The following EPHA6 variants were observed in gnomAD, a reference collection of about 807,000 sequenced individuals.
EPHA6 encodes the protein ephrin type-A receptor 6.
Under a neutral mutation model 112.0 loss-of-function variants are expected in EPHA6, and 50 were observed. That is an observed-to-expected ratio of 0.45 (90% CI 0.36 to 0.56). The LOEUF is 0.56. EPHA6 is among the 20% of genes least tolerant of loss of function. The pLI, the probability that EPHA6 is intolerant of heterozygous loss-of-function variation, is 0.00. For synonymous variants in EPHA6, 529 were observed against 490.7 expected, an observed-to-expected ratio of 1.08 and a Z score of -1.03; for missense variants, 1,280 against 1,417.4, an observed-to-expected ratio of 0.90 and a Z score of 1.56.
At chr3:96,839,543 G>A (rs1297171526) in intron 1 of EPHA6, among the ~76,000 whole-genome samples, 1 of 151,898 alleles carries the variant, frequency 6.6e-6, no homozygotes, top group African/African-American at 2.4e-5. Context: ...ACTTTAGTTG[G>A]GAACTATTAT....
intron 3 of EPHA6, among the ~76,000 whole-genome samples, chr3:97,054,984 G>T (rs939682744): frequency 6.6e-6 from 1 of 152,010 alleles, no homozygotes; most frequent in Non-Finnish European, 1.5e-5. Flanking sequence ...TAATGAAGAT[G>T]ATTCTGCTTA....
At chr3:97,724,383 G>A (rs1422200864) in intron 15 of EPHA6, among the ~76,000 whole-genome samples, 2 of 152,086 alleles carry the variant, frequency 1.3e-5, no homozygotes, top group African/African-American at 2.4e-5. Context: ...AAATATAATA[G>A]CAGGTACCAT....
intron 3 of EPHA6, among the ~76,000 whole-genome samples, chr3:97,065,747 T>C (rs2046157082): frequency 6.6e-6 from 1 of 152,092 alleles, no homozygotes; most frequent in Admixed American, 6.6e-5. Context: ...TGAGCCAACA[T>C]GTTATAATTT....
At chr3:97,161,463 A>G (rs1420007088) in intron 3 of EPHA6, among the ~76,000 whole-genome samples, 1 of 152,190 alleles carries the variant, frequency 6.6e-6, no homozygotes, top group Non-Finnish European at 1.5e-5. Flanking sequence ...CAGCTTGCAC[A>G]GCAATCTGGA....
At chr3:97,571,656 T>G (rs188882028) in intron 11 of EPHA6, among the ~76,000 whole-genome samples, 231 of 139,346 alleles carry the variant, frequency 1.7e-3, no homozygotes, top group African/African-American at 7.2e-3. Flanking sequence ...AAATCTTCCT[T>G]GAAACTCATA....
intron 3 of EPHA6, among the ~76,000 whole-genome samples, chr3:97,153,792 CA>C (rs1265648744): frequency 6.6e-6 from 1 of 152,024 alleles, no homozygotes; most frequent in Non-Finnish European, 1.5e-5. Context: ...TGCATGTGAT[CA>C]AAATTAAACT....
chr3:96,980,021 G>A (rs1016670947), intron 2 of EPHA6, among the ~76,000 whole-genome samples: 4 of 152,006 alleles, frequency 2.6e-5, no homozygotes, highest in Non-Finnish European at 4.4e-5. Flanking sequence ...CTCTGATGGT[G>A]GTTTCTTTTG....
intron 3 of EPHA6, among the ~76,000 whole-genome samples, chr3:97,032,061 T>G (rs564244729): frequency 1.3e-5 from 2 of 152,198 alleles, no homozygotes; most frequent in Admixed American, 1.3e-4. Flanking sequence ...TGTCCAACAA[T>G]GATAGACTGG....
At chr3:97,068,053 G>A (rs2046232184) in intron 3 of EPHA6, among the ~76,000 whole-genome samples, 1 of 151,474 alleles carries the variant, frequency 6.6e-6, no homozygotes, top group Admixed American at 6.6e-5. Context: ...TTACTCAGGT[G>A]GCTGAGGCAG....
intron 3 of EPHA6, among the ~76,000 whole-genome samples, chr3:97,154,867 G>A (rs927567867): frequency 2.0e-5 from 3 of 152,070 alleles, no homozygotes; most frequent in African/African-American, 7.2e-5. Context: ...ATCTCAATTA[G>A]TTTAATTGAC....
chr3:97,137,791 A>G (rs2075801119), intron 3 of EPHA6, among the ~76,000 whole-genome samples: 1 of 152,166 alleles, frequency 6.6e-6, no homozygotes, highest in African/African-American at 2.4e-5. Flanking sequence ...ACATATATAC[A>G]TATGTAACAA....
chr3:97,056,304 A>G (rs763831845), intron 3 of EPHA6, among the ~76,000 whole-genome samples: 11 of 152,128 alleles, frequency 7.2e-5, no homozygotes, highest in South Asian at 2.1e-4. Flanking sequence ...CTTCGCTCTC[A>G]AGTATCCTGG....
chr3:97,507,407 A>T (rs2092275746), intron 10 of EPHA6, among the ~76,000 whole-genome samples: 1 of 152,188 alleles, frequency 6.6e-6, no homozygotes, highest in African/African-American at 2.4e-5. Flanking sequence ...CCTTTTCTGC[A>T]TCTATTAAGA....
At chr3:97,235,695 C>A (rs60352780) in intron 4 of EPHA6, among the ~76,000 whole-genome samples, 1,916 of 152,138 alleles carry the variant, frequency 0.013, 44 homozygotes, top group African/African-American at 0.042. Context: ...TGCTTATAGC[C>A]TTTCACATCT....
intron 4 of EPHA6, among the ~76,000 whole-genome samples, chr3:97,242,194 A>G (rs1194502266): frequency 1.3e-5 from 2 of 151,798 alleles, no homozygotes; most frequent in African/African-American, 2.4e-5. Flanking sequence ...TGTTGTACAT[A>G]GAAAACTATC....
At chr3:97,256,640 TTTTTTTCATGGTTACA>T (rs1422171995) in intron 5 of EPHA6, among the ~76,000 whole-genome samples, 3 of 152,050 alleles carry the variant, frequency 2.0e-5, no homozygotes, top group Non-Finnish European at 2.9e-5. Flanking sequence ...TAACTAATCA[TTTTTTTCATGGTTACA>T]TTTCTTCACT....
chr3:97,345,831 G>T (rs1482956283), intron 5 of EPHA6, among the ~76,000 whole-genome samples: 1 of 152,034 alleles, frequency 6.6e-6, no homozygotes, highest in African/African-American at 2.4e-5. Flanking sequence ...AGCTATAGCT[G>T]CTTGAAATCT....
At chr3:97,174,922 T>C (rs1456722796) in intron 3 of EPHA6, among the ~76,000 whole-genome samples, 1 of 151,986 alleles carries the variant, frequency 6.6e-6, no homozygotes, top group Non-Finnish European at 1.5e-5. Context: ...TTGTCCATTT[T>C]TGCTTTGGTT....
Position 97,756,589 on chromosome 3 carries a change from C to A in EPHA6, c.*7888C>A, listed in dbSNP as rs2036031894. Reference sequence around the variant, plus strand: ...TTTCTTCCCATGCTAGATATGTCTTCAAAGAAAAATGTATTAATATATTCA... The same window carrying A: ...TTTCTTCCCATGCTAGATATGTCTTAAAAGAAAAATGTATTAATATATTCA... On this transcript the variant is annotated 3_prime_UTR_variant, in exon 18 of 18. Coordinates refer to ENST00000389672, the MANE Select transcript of EPHA6 (RefSeq NM_001080448.3). 2.0e-5 allele frequency among the ~76,000 whole-genome samples: 3 copies of A among 151,668 alleles called. No homozygotes were observed. Among genetic ancestry groups the A allele is most frequent in the Admixed American group, 2.0e-4 (3 of 15,240 alleles).
Sources: gnomAD v4.1 joint callset for allele counts (sites outside exome capture counted in the v4.1 genomes callset) on GRCh38, gnomAD v4.1.1 for gene constraint, MANE v1.5 for transcripts, NCBI Gene and HGNC (gene_info 2026-07-23, HGNC 2026-07-21) for gene names.